The following RAPGEF1 variants were observed in gnomAD, a reference collection of about 807,000 sequenced individuals.
RAPGEF1 encodes Rap guanine nucleotide exchange factor 1.
A neutral mutation model predicts 143.3 loss-of-function variants in RAPGEF1; 33 were observed. That is an observed-to-expected ratio of 0.23 (90% confidence interval 0.17 to 0.31). The LOEUF is 0.31. Among genes scored for constraint, RAPGEF1 ranks in the 10% least tolerant of loss-of-function variants. The pLI, the probability that RAPGEF1 is intolerant of heterozygous loss-of-function variation, is 1.00. For synonymous variants in RAPGEF1, 629 were observed against 676.5 expected (o/e 0.93, Z 1.09); for missense variants, 1,199 against 1,645.4 (o/e 0.73, Z 4.69).
chr9:131,605,458 T>C (rs1001543826), intron 12 of RAPGEF1, among the ~76,000 whole-genome samples: 9 of 152,152 alleles, frequency 5.9e-5, no homozygotes, highest in African/African-American at 1.9e-4. Context: ...ACGGCTCAAG[T>C]GGCCACATGC....
intron 1 of RAPGEF1, among the ~76,000 whole-genome samples, chr9:131,692,776 G>GA (rs1390334040): frequency 6.6e-6 from 1 of 152,162 alleles, no homozygotes; most frequent in Non-Finnish European, 1.5e-5. Context: ...GAGACTTGAT[G>GA]AAAAAACGGA....
At chr9:131,716,362 T>C (rs1021476414) in intron 1 of RAPGEF1, among the ~76,000 whole-genome samples, 1 of 152,256 alleles carries the variant, frequency 6.6e-6, no homozygotes, top group South Asian at 2.1e-4. Context: ...CTTGTTGTTC[T>C]TTACAAAGTC....
intron 1 of RAPGEF1, among the ~76,000 whole-genome samples, chr9:131,681,089 T>A (rs998968847): frequency 6.6e-5 from 10 of 152,176 alleles, no homozygotes; most frequent in Admixed American, 6.5e-4. Context: ...TTCACACCGA[T>A]GATGAGGAGG....
Position 131,628,722 on chromosome 9 carries a change from T to G in RAPGEF1, c.894-50A>C. 7 of 1,538,694 alleles carry G rather than the reference T, an allele frequency of 4.5e-6. No individual in the cohort carries two copies. The highest frequency in any genetic ancestry group is 5.3e-6 in the Non-Finnish European group (6 of 1,137,722). On this transcript the variant is annotated intron_variant, in intron 7 of 26. Transcript: ENST00000683357. This position sits in a 1 kb window ranked among gnomAD's most constrained non-coding sequence, Gnocchi z 5.7. ...CAGACCAAACCACACTCACCAAAGC[T>G]CTTCAGCGTGATATTGGGGTACAGG...
At chr9:131,691,353 C>T (rs1833767644) in intron 1 of RAPGEF1, among the ~76,000 whole-genome samples, 2 of 152,116 alleles carry the variant, frequency 1.3e-5, no homozygotes, top group Admixed American at 6.5e-5. Flanking sequence ...AGTCTCTCAC[C>T]GTGAAAAAGA....
chr9:131,720,954 A>AAC (rs1303556265), intron 1 of RAPGEF1, among the ~76,000 whole-genome samples: 1 of 152,206 alleles, frequency 6.6e-6, no homozygotes, highest in Admixed American at 6.5e-5. Flanking sequence ...ACCTTAAGAT[A>AAC]ATGTGATCTG....
In RAPGEF1 at chr9:131,656,627, C is replaced by G. The variant is rs535599633; in HGVS notation, c.62-5678G>C. Among the ~76,000 whole-genome samples the G allele has an allele frequency of 9.2e-5, 14 of 152,302 alleles. 1 individual carries two copies. The South Asian group carries it at 1.7e-3, about 18-fold the overall frequency. ...CTCCACTGTCTACTGCCCTGAGTTG[C>G]TGTTCAGGCAGGCATGGGGCTGAGG... On this transcript the variant is annotated intron_variant, in intron 1 of 26. Coordinates refer to ENST00000683357, the MANE Select transcript of RAPGEF1 (RefSeq NM_001377935.1).
At chr9:131,599,256 C>T (rs1955852462) in intron 15 of RAPGEF1, among the ~76,000 whole-genome samples, 1 of 151,912 alleles carries the variant, frequency 6.6e-6, no homozygotes, top group Admixed American at 6.6e-5. Context: ...TCCCAAGTAG[C>T]GAGGACTACA....
rs1967978911 is a variant in RAPGEF1, at chr9:131,641,553, C to T, written c.494+1686G>A. Reference sequence around the variant, plus strand: ...TCCTCCCTGTACCGTAAAATAAGTGCTTTATCGTAGAACAGAGGGAGCTGA... The same window carrying T: ...TCCTCCCTGTACCGTAAAATAAGTGTTTTATCGTAGAACAGAGGGAGCTGA... On this transcript the variant is annotated intron_variant, in intron 4 of 26. Coordinates refer to ENST00000683357, the MANE Select transcript of RAPGEF1 (RefSeq NM_001377935.1). The surrounding 1 kb of genome is among the most constrained non-coding windows in gnomAD (Gnocchi z 4.6). Among the ~76,000 whole-genome samples, 1 of 152,220 alleles carries T rather than the reference C, an allele frequency of 6.6e-6. No individual in the cohort carries two copies. The highest frequency in any genetic ancestry group is 2.4e-5 in the African/African-American group (1 of 41,456).
rs1970860448 is a variant in RAPGEF1, at chr9:131,650,710, G to A, written c.201+100C>T. The A allele has an allele frequency of 6.8e-7, 1 of 1,479,346 alleles. No homozygotes were observed. The highest frequency in any genetic ancestry group is 9.2e-7 in the Non-Finnish European group (1 of 1,089,446). 91.6% of individuals were successfully genotyped at this position (1,479,346 alleles called of 1,614,324 possible). On this transcript the variant is annotated intron_variant, in intron 2 of 26. Transcript: ENST00000683357. This position sits in a 1 kb window ranked among gnomAD's most constrained non-coding sequence, Gnocchi z 4.7. ...TGGAATGCTACGAAGTAGGTATGAT[G>A]CACTGAAAGCTCAATCCCCAGGGAG...
rs1953687827 is a variant in RAPGEF1, at chr9:131,588,965, C to G, written c.2889G>C (p.Glu963Asp). 3 of 1,613,740 alleles carry G rather than the reference C, an allele frequency of 1.9e-6. No individual in the cohort carries two copies. The highest frequency in any genetic ancestry group is 1.3e-5 in the African/African-American group (1 of 75,058). The change falls in exon 20 of 27, where the codon GAG becomes GAC. Residue 963 changes from glutamate (E) to aspartate (D), a missense_variant. Glu to Asp is a conservative substitution (Grantham distance 45). Transcript: ENST00000683357. ...CCAGTTCCATCAGCAGCTTCAGGAT[C>G]TCTTCTGTCAACTCCACCAGGCTGA... ...DELCLVELTE[E>D]ILKLLMELVF... is the part of the protein sequence containing the mutation.
chr9:131,723,345 GTAATAAGTAACAT>G (rs768061921), intron 1 of RAPGEF1, among the ~76,000 whole-genome samples: 16 of 152,026 alleles, frequency 1.1e-4, no homozygotes, highest in Non-Finnish European at 2.4e-4. Context: ...CACTTCAGTG[GTAATAAGTAACAT>G]TCATAATGTG....
At chr9:131,630,046 G>C (rs1376941909) in intron 6 of RAPGEF1, among the ~76,000 whole-genome samples, 190 bp downstream of exon 6, 1 of 152,082 alleles carries the variant, frequency 6.6e-6, no homozygotes, top group Non-Finnish European at 1.5e-5. Context: ...CATGCTGAAG[G>C]GTAAACTTGA....
At chr9:131,598,366 C>T in intron 15 of RAPGEF1, 56 bp from the exon 16 acceptor site, 1 of 1,485,808 alleles carries the variant, frequency 6.7e-7, no homozygotes, top group Non-Finnish European at 9.3e-7. Flanking sequence ...CTCCCGATGC[C>T]TGGAGGCCAA....
intron 17 of RAPGEF1, among the ~76,000 whole-genome samples, chr9:131,595,750 G>T (rs184941168): frequency 6.6e-6 from 1 of 152,304 alleles, no homozygotes; most frequent in East Asian, 1.9e-4. Context: ...GACGGTCCCT[G>T]CTTTTCCAGC....
At chr9:131,735,687 A>G (rs1837368496) in intron 1 of RAPGEF1, among the ~76,000 whole-genome samples, 2 of 151,876 alleles carry the variant, frequency 1.3e-5, no homozygotes, top group African/African-American at 2.4e-5. Flanking sequence ...GCAAATGTCA[A>G]AAGTCCAAGT....
At chr9:131,710,362 A>G (rs1835421822) in intron 1 of RAPGEF1, among the ~76,000 whole-genome samples, 1 of 152,226 alleles carries the variant, frequency 6.6e-6, no homozygotes, top group Non-Finnish European at 1.5e-5. Context: ...TATAACCCCA[A>G]GCTCCAAACT....
At chr9:131,615,790 G>A (rs533543799) in intron 12 of RAPGEF1, among the ~76,000 whole-genome samples, 105 of 151,984 alleles carry the variant, frequency 6.9e-4, no homozygotes, top group Non-Finnish European at 1.3e-3. Flanking sequence ...TAAAAATCCC[G>A]ACTGCCCTTC....
At chr9:131,717,321 C>T (rs565457800) in intron 1 of RAPGEF1, among the ~76,000 whole-genome samples, 3 of 152,200 alleles carry the variant, frequency 2.0e-5, no homozygotes, top group Non-Finnish European at 4.4e-5. Flanking sequence ...AAAAATGCAC[C>T]TGTCTCCCTT....
Sources: gnomAD v4.1 joint callset for allele counts (sites outside exome capture counted in the v4.1 genomes callset) on GRCh38, gnomAD v4.1.1 for gene constraint, Gnocchi (gnomAD v3.1) non-coding constraint, MANE v1.5 for transcripts, NCBI Gene and HGNC (gene_info 2026-07-23, HGNC 2026-07-21) for gene names.